Variants in FBXO4 observed in about 807,000 individuals in gnomAD.
The protein encoded by FBXO4 is F-box protein 4, also known as F-box only protein 4.
FBXO4 carries 36 observed loss-of-function variants against 43.7 expected under a neutral mutation model. The ratio of observed to expected loss-of-function variants is 0.82; its 90% confidence interval spans 0.63 to 1.09. The LOEUF is 1.09. FBXO4 is among the 50% of genes least tolerant of loss of function. The probability of loss-of-function intolerance (pLI) is 0.00; values close to 1 mark genes in which losing one functional copy is unlikely to be tolerated. For synonymous variants in FBXO4, 180 were observed against 165.6 expected, an observed-to-expected ratio of 1.09 and a Z score of -0.67; for missense variants, 435 against 474.1, an observed-to-expected ratio of 0.92 and a Z score of 0.77.
At chr5:42,033,359 C>T in the FBXO4 span, among the ~76,000 whole-genome samples, 1 of 152,130 alleles carries the variant, frequency 6.6e-6, no homozygotes, top group Non-Finnish European at 1.5e-5. Context: ...ACACAGAACA[C>T]TGTAGCCCTC....
At chr5:42,017,349 G>A in the FBXO4 span, among the ~76,000 whole-genome samples, 1 of 151,936 alleles carries the variant, frequency 6.6e-6, no homozygotes, top group Non-Finnish European at 1.5e-5. Context: ...AAAATGAACA[G>A]TATCTTGAAG....
the FBXO4 span, among the ~76,000 whole-genome samples, chr5:42,003,508 A>T: frequency 6.6e-6 from 1 of 152,118 alleles, no homozygotes; most frequent in Non-Finnish European, 1.5e-5. Context: ...GGCTTTCTGT[A>T]TTTATTTATT....
At chr5:42,017,430 CT>C in the FBXO4 span, among the ~76,000 whole-genome samples, 1 of 150,718 alleles carries the variant, frequency 6.6e-6, no homozygotes, top group African/African-American at 2.4e-5. Flanking sequence ...CAAAAAATTT[CT>C]TTTTTTTTCT....
At chr5:41,982,220 G>A in the FBXO4 span, among the ~76,000 whole-genome samples, 1 of 152,116 alleles carries the variant, frequency 6.6e-6, no homozygotes, top group South Asian at 2.1e-4. Flanking sequence ...ACGTGTTCAT[G>A]TGTCTTTATA....
chr5:41,958,223 CT>C, the FBXO4 span, among the ~76,000 whole-genome samples: 1 of 151,480 alleles, frequency 6.6e-6, no homozygotes, highest in Non-Finnish European at 1.5e-5. Context: ...CAAGCTCCGC[CT>C]CCCGGGTTCA....
chr5:41,947,388 G>T, the FBXO4 span, among the ~76,000 whole-genome samples: 2 of 152,216 alleles, frequency 1.3e-5, no homozygotes, highest in Non-Finnish European at 2.9e-5. Flanking sequence ...CAAAGGAGAT[G>T]AATAGATTGT....
At chr5:42,006,945 T>C in the FBXO4 span, among the ~76,000 whole-genome samples, 71 of 137,108 alleles carry the variant, frequency 5.2e-4, no homozygotes, top group African/African-American at 1.9e-3. Context: ...CATACATATA[T>C]ATACATGACA....
At chr5:42,017,872 T>C in the FBXO4 span, among the ~76,000 whole-genome samples, 10 of 152,140 alleles carry the variant, frequency 6.6e-5, no homozygotes, top group East Asian at 9.7e-4. Flanking sequence ...GATTCCATCA[T>C]GTTGCTATTG....
At chr5:41,985,719 G>C in the FBXO4 span, among the ~76,000 whole-genome samples, 745 of 152,174 alleles carry the variant, frequency 4.9e-3, 7 homozygotes, top group African/African-American at 0.017. Context: ...TTGGCTAAAT[G>C]GTTATTACTA....
At chr5:42,035,789 G>A in the FBXO4 span, among the ~76,000 whole-genome samples, 1 of 152,064 alleles carries the variant, frequency 6.6e-6, no homozygotes, top group Non-Finnish European at 1.5e-5. Context: ...TCCTTTATGT[G>A]CACTTTCCAT....
chr5:41,936,245 C>A (rs1018228972), intron 5 of FBXO4, among the ~76,000 whole-genome samples: 2 of 152,170 alleles, frequency 1.3e-5, no homozygotes, highest in Non-Finnish European at 2.9e-5. Flanking sequence ...CAGAAAGGGA[C>A]ATTAAAATAA....
chr5:42,022,041 T>C, the FBXO4 span, among the ~76,000 whole-genome samples: 2 of 152,156 alleles, frequency 1.3e-5, no homozygotes, highest in African/African-American at 4.8e-5. Context: ...GGAAACACTT[T>C]GGGTACGTCA....
At chr5:42,038,737 A>T in the FBXO4 span, among the ~76,000 whole-genome samples, 1 of 152,032 alleles carries the variant, frequency 6.6e-6, no homozygotes, top group African/African-American at 2.4e-5. Context: ...TTTTGCACCC[A>T]TTAACTAACC....
At chr5:42,008,582 T>C in the FBXO4 span, among the ~76,000 whole-genome samples, 2 of 152,154 alleles carry the variant, frequency 1.3e-5, no homozygotes, top group African/African-American at 2.4e-5. Context: ...GTAAGAGTCA[T>C]AGGAATCACA....
the FBXO4 span, among the ~76,000 whole-genome samples, chr5:41,974,248 G>A: frequency 6.6e-6 from 1 of 152,140 alleles, no homozygotes; most frequent in African/African-American, 2.4e-5. Flanking sequence ...TGAAACTGTG[G>A]TTTGGTGTCT....
At chr5:41,952,762 T>G in the FBXO4 span, among the ~76,000 whole-genome samples, 1 of 152,194 alleles carries the variant, frequency 6.6e-6, no homozygotes, top group Non-Finnish European at 1.5e-5. Flanking sequence ...GTATTTTCTG[T>G]TGGCCTCTTT....
At chr5:42,019,366 C>A in the FBXO4 span, among the ~76,000 whole-genome samples, 4 of 152,008 alleles carry the variant, frequency 2.6e-5, no homozygotes, top group Non-Finnish European at 4.4e-5. Flanking sequence ...TTACTTGTTT[C>A]TTTTACTTTT....
the FBXO4 span, among the ~76,000 whole-genome samples, chr5:41,975,745 C>T: frequency 6.6e-6 from 1 of 152,150 alleles, no homozygotes. Context: ...GTGTTACCTA[C>T]ATTCACATTT....
chr5:42,006,914 A>ATATATATATATATATATATATATATATG, the FBXO4 span, among the ~76,000 whole-genome samples: 7 of 141,494 alleles, frequency 4.9e-5, no homozygotes, highest in African/African-American at 1.9e-4. Context: ...ATATATATAT[A>ATATATATATATATATATATATATATATG]TATGTATATA....
Sources: gnomAD v4.1 joint callset for allele counts (sites outside exome capture counted in the v4.1 genomes callset) on GRCh38, gnomAD v4.1.1 for gene constraint, MANE v1.5 for transcripts, NCBI Gene and HGNC (gene_info 2026-07-23, HGNC 2026-07-21) for gene names.